RAI14: variants seen among roughly 807,000 people sequenced by gnomAD.
The protein encoded by RAI14 is ankycorbin.
A neutral mutation model predicts 115.4 loss-of-function variants in RAI14; 45 were observed. That is an observed-to-expected ratio of 0.39 (90% CI 0.31 to 0.50). RAI14 has a LOEUF of 0.50. Ranked by LOEUF, RAI14 falls within the 20% of genes least tolerant of loss-of-function variation. The probability of loss-of-function intolerance (pLI) is 0.85; values close to 1 mark genes in which losing one functional copy is unlikely to be tolerated. For missense variants in RAI14, 939 were observed against 1,131.2 expected (o/e 0.83, Z 2.44); for synonymous variants, 371 against 415.4 (o/e 0.89, Z 1.30).
chr5:34,721,974 G>C (rs1742815412), intron 2 of RAI14, among the ~76,000 whole-genome samples: 1 of 152,166 alleles, frequency 6.6e-6, no homozygotes, highest in Admixed American at 6.5e-5. Flanking sequence ...CTCCCAGAGT[G>C]CTGGGATTAT....
chr5:34,762,203 A>C (rs115240235), intron 3 of RAI14, among the ~76,000 whole-genome samples: 14,873 of 152,202 alleles, frequency 0.098, 900 homozygotes, highest in Non-Finnish European at 0.13. Context: ...TTAGGGGTGA[A>C]TTAACTTGGA....
chr5:34,795,173 G>A (rs937101755), intron 3 of RAI14, among the ~76,000 whole-genome samples: 5 of 152,214 alleles, frequency 3.3e-5, no homozygotes, highest in African/African-American at 9.6e-5. Flanking sequence ...ATTGGCATTT[G>A]GATGTTATCC....
intron 3 of RAI14, among the ~76,000 whole-genome samples, chr5:34,780,854 G>A (rs1751523565): frequency 6.6e-6 from 1 of 152,152 alleles, no homozygotes; most frequent in Non-Finnish European, 1.5e-5. Context: ...ATTTGACCCA[G>A]CCATCGCATT....
chr5:34,792,662 A>T (rs1753069639), intron 3 of RAI14, among the ~76,000 whole-genome samples: 1 of 152,246 alleles, frequency 6.6e-6, no homozygotes, highest in South Asian at 2.1e-4. Context: ...ACCTTGAAAT[A>T]ATGTTTAACT....
intron 2 of RAI14, among the ~76,000 whole-genome samples, chr5:34,738,500 G>GCA: frequency 6.6e-6 from 1 of 152,266 alleles, no homozygotes; most frequent in East Asian, 1.9e-4. Context: ...CACTGGCTGC[G>GCA]CACACCTGTA....
intron 2 of RAI14, among the ~76,000 whole-genome samples, chr5:34,746,091 T>TC (rs368622381): frequency 0.44 from 21,150 of 48,156 alleles, 4,517 homozygotes; most frequent in East Asian, 0.63. Flanking sequence ...CACCACCCCC[T>TC]CCCCCCCCCG....
Position 34,818,835 on chromosome 5 carries a change from A to G in RAI14, c.978A>G (p.Leu326=). The change falls in exon 13 of 18, where the codon CTA becomes CTG. Residue 326 remains leucine (L), a synonymous_variant. Coordinates refer to ENST00000265109, the MANE Select transcript of RAI14 (RefSeq NM_015577.3). ...ISSIRENKDR[L]SDSTTGADSL... ...CTATACGAGAAAACAAAGACAGACTAAGTGACAGTACTACAGGTAAGACAA... is the reference window on the plus strand; with the variant it reads ...CTATACGAGAAAACAAAGACAGACTGAGTGACAGTACTACAGGTAAGACAA... 6.2e-7 allele frequency: 1 copy of G among 1,611,272 alleles called. No homozygotes were observed. Among genetic ancestry groups the G allele is most frequent in the Non-Finnish European group, 8.5e-7 (1 of 1,178,568 alleles).
intron 2 of RAI14, among the ~76,000 whole-genome samples, chr5:34,751,172 A>G (rs1362711935): frequency 1.0e-3 from 85 of 82,638 alleles, no homozygotes; most frequent in African/African-American, 3.8e-3. Context: ...TTTTTTTTTT[A>G]ATTTGAGATG....
chr5:34,812,819 TGA>T (rs1755763228), intron 10 of RAI14, among the ~76,000 whole-genome samples: 2 of 152,234 alleles, frequency 1.3e-5, no homozygotes, highest in African/African-American at 4.8e-5. Context: ...TTAAACTCTG[TGA>T]CTGAATAACA....
chr5:34,792,235 CTT>C (rs55986330), intron 3 of RAI14, among the ~76,000 whole-genome samples: 4 of 127,468 alleles, frequency 3.1e-5, no homozygotes, highest in Admixed American at 8.4e-5. Flanking sequence ...TTTCTTTTTT[CTT>C]TTTTTTTTTT....
At chr5:34,773,634 C>A (rs959845871) in intron 3 of RAI14, among the ~76,000 whole-genome samples, 1 of 151,896 alleles carries the variant, frequency 6.6e-6, no homozygotes, top group Non-Finnish European at 1.5e-5. Flanking sequence ...ATACAAATGG[C>A]CACAGCTATA....
intron 3 of RAI14, among the ~76,000 whole-genome samples, chr5:34,778,253 G>A (rs776009438): frequency 6.6e-6 from 1 of 152,186 alleles, no homozygotes; most frequent in African/African-American, 2.4e-5. Flanking sequence ...GAACCAGCTC[G>A]GGATCTTGTA....
intron 1 of RAI14, chr5:34,658,848 CAG>C (rs1333548968): frequency 6.6e-6 from 1 of 152,006 alleles, no homozygotes; most frequent in African/African-American, 2.4e-5. Flanking sequence ...TACATAAAAA[CAG>C]AGTATAGTAA....
At position 34,824,428 on chromosome 5, in the gene RAI14, A is replaced by G; in HGVS notation, c.2586A>G (p.Glu862=). The G allele has an allele frequency of 6.2e-7, 1 of 1,605,544 alleles. No homozygotes were observed. Residue 862 remains glutamate, a synonymous_variant, in exon 15 of 18, where the codon GAA becomes GAG. Transcript: ENST00000265109. ...LLQKFQQAQE[E]LAEMKRYAES... ...AAAAATTCCAGCAAGCTCAGGAAGA[A>G]CTTGCAGAAATGAAAAGATACGCTG...
intron 2 of RAI14, among the ~76,000 whole-genome samples, chr5:34,752,737 G>GTATATA (rs1188674461): frequency 0.012 from 1,252 of 101,258 alleles, 72 homozygotes; most frequent in Middle Eastern, 0.027. Context: ...GTGTGTGTGT[G>GTATATA]TGTGTGTGTG....
Position 34,748,241 on chromosome 5 carries a change from A to C in RAI14, c.37-9227A>C, listed in dbSNP as rs112387376. The stretch of plus-strand genomic sequence containing the variant: ...GAATAGCAGGGACAGTGTAACCTGC[A>C]TGTGTGAATAATCTTAAGCAAAAAT... On this transcript the variant is annotated intron_variant, in intron 2 of 17. Coordinates refer to ENST00000265109, the MANE Select transcript of RAI14 (RefSeq NM_015577.3). Among the ~76,000 whole-genome samples, 372 of 152,344 alleles carry C rather than the reference A, an allele frequency of 2.4e-3. 2 individuals are homozygous for C. The highest frequency in any genetic ancestry group is 8.8e-3 in the African/African-American group (368 of 41,586).
Position 34,830,935 on chromosome 5 carries a change from C to T in RAI14, c.*170C>T, listed in dbSNP as rs140599244. 4.4e-4 allele frequency: 533 copies of T among 1,220,848 alleles called. 6 individuals are homozygous for T. The African/African-American group carries it at 7.2e-3, about 17-fold the overall frequency. 75.6% of individuals were successfully genotyped at this position (1,220,848 alleles called of 1,614,324 possible). On this transcript the variant is annotated 3_prime_UTR_variant, in exon 18 of 18. Coordinates refer to ENST00000265109, the MANE Select transcript of RAI14 (RefSeq NM_015577.3). ...CTTCTCCCAGGAGAAGACTGCCCGC[C>T]TCAGAACTGCTTAGAGACTTCAAAC...
intron 3 of RAI14, among the ~76,000 whole-genome samples, chr5:34,778,363 T>G (rs147202583): frequency 1.3e-3 from 196 of 152,288 alleles, no homozygotes; most frequent in African/African-American, 3.6e-3. Flanking sequence ...AGCCAAGACT[T>G]AGGCTGTCAA....
intron 3 of RAI14, among the ~76,000 whole-genome samples, chr5:34,776,503 A>G (rs1031745655): frequency 6.6e-6 from 1 of 152,170 alleles, no homozygotes; most frequent in Non-Finnish European, 1.5e-5. Flanking sequence ...TTCACATTGT[A>G]TACCTATATT....
Sources: allele counts gnomAD v4.1 joint callset (sites outside exome capture counted in the v4.1 genomes callset), GRCh38; gene constraint gnomAD v4.1.1; transcripts MANE v1.5; gene names NCBI Gene and HGNC (gene_info 2026-07-23, HGNC 2026-07-21).